Variants in PTBP3 observed in about 807,000 individuals in gnomAD.
PTBP3 encodes the protein polypyrimidine tract-binding protein 3.
A neutral mutation model predicts 58.7 loss-of-function variants in PTBP3; 20 were observed. The ratio of observed to expected loss-of-function variants is 0.34; its 90% confidence interval spans 0.24 to 0.50. The LOEUF (loss-of-function observed/expected upper bound fraction) is 0.50, where lower values mean the gene tolerates loss of function less well. Ranked by LOEUF, PTBP3 falls within the 20% of genes least tolerant of loss-of-function variation. The pLI, the probability that PTBP3 is intolerant of heterozygous loss-of-function variation, is 0.98. For synonymous variants in PTBP3, 185 were observed against 219.8 expected (o/e 0.84, Z 1.40); for missense variants, 509 against 637.2 (o/e 0.80, Z 2.17).
chr9:112,344,228 CAGTTTAAATAGTATTT>C, the PTBP3 span, among the ~76,000 whole-genome samples: 4 of 152,064 alleles, frequency 2.6e-5, no homozygotes, highest in Non-Finnish European at 5.9e-5. Flanking sequence ...ATATATGCTA[CAGTTTAAATAGTATTT>C]GTCCTCTCTG....
chr9:112,256,294 C>CATATATAT (rs370450580), intron 5 of PTBP3, among the ~76,000 whole-genome samples: 21 of 59,036 alleles, frequency 3.6e-4, no homozygotes, highest in African/African-American at 2.6e-3. Context: ...TATATATATA[C>CATATATAT]ATATATATAT....
rs549740628 is a variant in PTBP3 at position 112,222,715 on chromosome 9, A to G, written c.*1136T>C. ...TTACCAAAACAGAGAAAGAAAAAAC[A>G]AAATGCTTACCAAGCCCACAATATA... is the stretch of plus-strand genomic sequence containing the variant. On this transcript the variant is annotated 3_prime_UTR_variant, in exon 14 of 14. Coordinates refer to ENST00000374257, the MANE Select transcript of PTBP3 (RefSeq NM_001163788.4). The G allele has an allele frequency of 4.1e-6, 4 of 979,864 alleles. No individual in the cohort carries two copies. Among genetic ancestry groups the G allele is most frequent in the African/African-American group, 1.8e-5 (1 of 57,116 alleles). 60.7% of individuals were successfully genotyped at this position (979,864 alleles called of 1,614,324 possible). A position where few individuals can be genotyped will look rare whatever the true frequency, so the allele number is the denominator to read the frequency against.
the PTBP3 span, among the ~76,000 whole-genome samples, chr9:112,355,546 C>A: frequency 1.3e-5 from 2 of 151,474 alleles, no homozygotes; most frequent in African/African-American, 4.9e-5. Flanking sequence ...AAAGACCCGT[C>A]TTCTTTTGTT....
chr9:112,303,527 C>A (rs963241817), intron 1 of PTBP3, among the ~76,000 whole-genome samples: 1 of 152,142 alleles, frequency 6.6e-6, no homozygotes, highest in Non-Finnish European at 1.5e-5. Context: ...AGATTAACAG[C>A]CCTCTGCCTT....
At chr9:112,362,893 A>T in the PTBP3 span, 2 of 300,608 alleles carry the variant, frequency 6.7e-6, no homozygotes, top group South Asian at 3.8e-5. Context: ...GTTATAGAGA[A>T]GCAATGAAAA....
chr9:112,370,361 GC>G, the PTBP3 span, among the ~76,000 whole-genome samples: 2 of 152,120 alleles, frequency 1.3e-5, no homozygotes, highest in Non-Finnish European at 2.9e-5. Flanking sequence ...GGACAACATG[GC>G]AAAACCCTAT....
chr9:112,379,846 G>A, the PTBP3 span: 2,086 of 515,524 alleles, frequency 4.0e-3, 28 homozygotes, highest in African/African-American at 0.038. Flanking sequence ...CAGACGCTAG[G>A]CGCCGACAGG....
intron 10 of PTBP3, 92 bp from the exon 11 acceptor site, chr9:112,228,564 C>T: frequency 4.7e-5 from 33 of 699,214 alleles, no homozygotes; most frequent in Non-Finnish European, 5.7e-5. Flanking sequence ...GCATTTCTTA[C>T]TCTCCCTTGG....
At chr9:112,352,741 G>T in the PTBP3 span, among the ~76,000 whole-genome samples, 2 of 152,064 alleles carry the variant, frequency 1.3e-5, no homozygotes, top group Non-Finnish European at 2.9e-5. Flanking sequence ...CCTTGATTTG[G>T]GTACAAATTG....
chr9:112,293,548 T>G (rs1054136101), intron 2 of PTBP3, among the ~76,000 whole-genome samples: 1 of 152,184 alleles, frequency 6.6e-6, no homozygotes, highest in African/African-American at 2.4e-5. Flanking sequence ...CACACCAGAA[T>G]AAAGACCAAT....
chr9:112,267,153 A>T (rs1267861549), intron 4 of PTBP3, among the ~76,000 whole-genome samples: 3 of 151,570 alleles, frequency 2.0e-5, no homozygotes, highest in African/African-American at 4.9e-5. Flanking sequence ...TCATAATTTT[A>T]AAAAAACCCA....
At chr9:112,253,237 CA>C (rs1836205009) in intron 5 of PTBP3, among the ~76,000 whole-genome samples, 1 of 152,082 alleles carries the variant, frequency 6.6e-6, no homozygotes, top group Admixed American at 6.6e-5. Flanking sequence ...AAAACAGAGA[CA>C]AAAGTCTATG....
the PTBP3 span, chr9:112,362,976 G>A: frequency 8.0e-6 from 2 of 250,514 alleles, no homozygotes; most frequent in East Asian, 1.1e-4. Context: ...AAGGGCTGCT[G>A]ACATGCAGAA....
At chr9:112,298,291 T>C (rs975268787) in intron 1 of PTBP3, among the ~76,000 whole-genome samples, 1 of 152,208 alleles carries the variant, frequency 6.6e-6, no homozygotes, top group African/African-American at 2.4e-5. Context: ...AATCCTGACT[T>C]TTCAATACCA....
chr9:112,365,045 C>T, the PTBP3 span, among the ~76,000 whole-genome samples: 1 of 152,182 alleles, frequency 6.6e-6, no homozygotes, highest in Non-Finnish European at 1.5e-5. Context: ...TCATGCCTTT[C>T]TGTGGCTGGC....
At chr9:112,285,785 A>G (rs1184434948) in intron 2 of PTBP3, among the ~76,000 whole-genome samples, 1 of 152,234 alleles carries the variant, frequency 6.6e-6, no homozygotes, top group Non-Finnish European at 1.5e-5. Flanking sequence ...CTCTTAGCTC[A>G]TGGGAAATTT....
intron 2 of PTBP3, among the ~76,000 whole-genome samples, chr9:112,286,306 C>G (rs1198344736): frequency 6.6e-6 from 1 of 152,092 alleles, no homozygotes; most frequent in African/African-American, 2.4e-5. Flanking sequence ...TAATTATTAA[C>G]GTGGTTGGGT....
At chr9:112,329,564 G>A (rs1050895962) in intron 1 of PTBP3, among the ~76,000 whole-genome samples, 1 of 151,874 alleles carries the variant, frequency 6.6e-6, no homozygotes, top group Non-Finnish European at 1.5e-5. Flanking sequence ...TAGGTATAAC[G>A]AAAAAAAAGT....
chr9:112,342,163 T>G, the PTBP3 span, among the ~76,000 whole-genome samples: 1 of 152,222 alleles, frequency 6.6e-6, no homozygotes, highest in Admixed American at 6.5e-5. Context: ...GAACTCCAAG[T>G]TCTCCAGCCT....
Sources: gnomAD v4.1 joint callset for allele counts (sites outside exome capture counted in the v4.1 genomes callset) on GRCh38, gnomAD v4.1.1 for gene constraint, MANE v1.5 for transcripts, NCBI Gene and HGNC (gene_info 2026-07-23, HGNC 2026-07-21) for gene names.